The following CTNND2 variants were observed in gnomAD, a reference collection of about 807,000 sequenced individuals.
CTNND2 encodes catenin delta 2, also known as catenin delta-2.
In CTNND2, 22 loss-of-function variants were observed where a neutral mutation model predicts 144.4. The observed-to-expected ratio is 0.15, with a 90% CI of 0.11 to 0.22. The LOEUF (loss-of-function observed/expected upper bound fraction) is 0.22, where lower values mean the gene tolerates loss of function less well. Among genes scored for constraint, CTNND2 ranks in the 10% least tolerant of loss-of-function variants. The pLI, the probability that CTNND2 is intolerant of heterozygous loss-of-function variation, is 1.00. For missense variants in CTNND2, 1,353 were observed against 1,618.8 expected (o/e 0.84, Z 2.82); for synonymous variants, 751 against 695.6 (o/e 1.08, Z -1.25).
chr5:11,807,539 G>A (rs986189186), intron 1 of CTNND2, among the ~76,000 whole-genome samples: 4 of 152,130 alleles, frequency 2.6e-5, no homozygotes, highest in Admixed American at 6.6e-5. Context: ...AAAGGAACAG[G>A]TGTATTTAAC....
chr5:11,678,435 A>G (rs2126620238), intron 2 of CTNND2, among the ~76,000 whole-genome samples: 1 of 152,316 alleles, frequency 6.6e-6, no homozygotes, highest in African/African-American at 2.4e-5. Context: ...CCAACCAGCA[A>G]TCCATCACCT....
At chr5:11,167,253 T>C (rs376273911) in intron 11 of CTNND2, among the ~76,000 whole-genome samples, 10 of 152,340 alleles carry the variant, frequency 6.6e-5, no homozygotes, top group Admixed American at 1.3e-4. Flanking sequence ...AAACTCTCAT[T>C]CTACAGTTGC....
chr5:11,694,350 G>T (rs1404707361), intron 2 of CTNND2, among the ~76,000 whole-genome samples: 1 of 151,808 alleles, frequency 6.6e-6, no homozygotes, highest in Non-Finnish European at 1.5e-5. Context: ...CAGGAGAATG[G>T]CGTGAACCCG....
chr5:11,869,231 T>A (rs936160436), intron 1 of CTNND2, among the ~76,000 whole-genome samples: 1 of 152,168 alleles, frequency 6.6e-6, no homozygotes, highest in African/African-American at 2.4e-5. Flanking sequence ...CTTAGGTATA[T>A]ACCCAAAAGA....
intron 1 of CTNND2, among the ~76,000 whole-genome samples, chr5:11,792,589 G>C (rs1032286894): frequency 1.4e-4 from 21 of 152,150 alleles, no homozygotes; most frequent in Non-Finnish European, 2.8e-4. Flanking sequence ...AGTACAGCAG[G>C]GGTCTAAGAG....
chr5:11,315,592 C>A (rs1449353369), intron 9 of CTNND2, among the ~76,000 whole-genome samples: 1 of 152,076 alleles, frequency 6.6e-6, no homozygotes, highest in Non-Finnish European at 1.5e-5. Flanking sequence ...ACTGAGGGAT[C>A]AATTTGGTTT....
At chr5:10,982,725 T>C (rs1371563872) in intron 20 of CTNND2, among the ~76,000 whole-genome samples, 1 of 152,196 alleles carries the variant, frequency 6.6e-6, no homozygotes, top group Admixed American at 6.5e-5. Context: ...CTGTTGACAA[T>C]AGCCTAGATG....
intron 1 of CTNND2, among the ~76,000 whole-genome samples, chr5:11,747,449 T>C (rs1685386562): frequency 6.6e-6 from 1 of 152,168 alleles, no homozygotes; most frequent in African/African-American, 2.4e-5. Flanking sequence ...AATACAGTGT[T>C]CACCACACAC....
chr5:11,620,970 A>T (rs1305840209), intron 2 of CTNND2, among the ~76,000 whole-genome samples: 1 of 151,928 alleles, frequency 6.6e-6, no homozygotes, highest in African/African-American at 2.4e-5. Context: ...GGTCTGCTTG[A>T]CCCTGTCTGT....
intron 3 of CTNND2, among the ~76,000 whole-genome samples, chr5:11,456,764 G>C (rs954136025): frequency 2.0e-5 from 3 of 152,050 alleles, no homozygotes; most frequent in Non-Finnish European, 2.9e-5. Context: ...TTTTTCCATT[G>C]AATGCTGCTA....
chr5:11,597,107 G>C (rs1779544737), intron 2 of CTNND2, among the ~76,000 whole-genome samples: 1 of 152,184 alleles, frequency 6.6e-6, no homozygotes, highest in Non-Finnish European at 1.5e-5. Flanking sequence ...AAACCGATGT[G>C]AATCACAACA....
At chr5:11,831,799 C>T (rs1336705844) in intron 1 of CTNND2, among the ~76,000 whole-genome samples, 1 of 151,914 alleles carries the variant, frequency 6.6e-6, no homozygotes, top group Non-Finnish European at 1.5e-5. Flanking sequence ...AACAACTGGA[C>T]ATATTTTTGT....
At chr5:11,460,823 G>A (rs1196923355) in intron 3 of CTNND2, among the ~76,000 whole-genome samples, 1 of 152,086 alleles carries the variant, frequency 6.6e-6, no homozygotes, top group Non-Finnish European at 1.5e-5. Flanking sequence ...AGGCTGAGGT[G>A]GGCGGATCAT....
chr5:11,284,078 T>TG (rs1009721026), intron 9 of CTNND2, among the ~76,000 whole-genome samples: 2 of 152,128 alleles, frequency 1.3e-5, no homozygotes, highest in African/African-American at 4.8e-5. Context: ...CTGCCTGGTG[T>TG]GGGCTTCACG....
intron 1 of CTNND2, among the ~76,000 whole-genome samples, chr5:11,834,267 T>C (rs1794056554): frequency 6.6e-6 from 1 of 152,200 alleles, no homozygotes; most frequent in Non-Finnish European, 1.5e-5. Flanking sequence ...AGTAACATCA[T>C]AGCACCTTAC....
chr5:11,288,812 AAG>A (rs1748010924), intron 9 of CTNND2, among the ~76,000 whole-genome samples: 1 of 151,640 alleles, frequency 6.6e-6, no homozygotes, highest in South Asian at 2.1e-4. Context: ...GAGAAAAAAA[AAG>A]AAAACCAAAA....
intron 3 of CTNND2, among the ~76,000 whole-genome samples, chr5:11,441,510 CT>C (rs1197489747): frequency 6.6e-6 from 1 of 150,940 alleles, no homozygotes; most frequent in Non-Finnish European, 1.5e-5. Context: ...TCCTGAGTAG[CT>C]GGGATTACAG....
intron 10 of CTNND2, among the ~76,000 whole-genome samples, chr5:11,221,452 T>C (rs2149866443): frequency 6.6e-6 from 1 of 152,252 alleles, no homozygotes; most frequent in East Asian, 1.9e-4. Flanking sequence ...AACAATAAAC[T>C]TGGAAGATAA....
chr5:11,343,083 T>C, intron 9 of CTNND2, among the ~76,000 whole-genome samples: 1 of 152,204 alleles, frequency 6.6e-6, no homozygotes, highest in Non-Finnish European at 1.5e-5. Context: ...GGGTTTTCTG[T>C]TGGCATATAG....
Sources: allele counts gnomAD v4.1 joint callset (sites outside exome capture counted in the v4.1 genomes callset), GRCh38; gene constraint gnomAD v4.1.1; transcripts MANE v1.5; gene names NCBI Gene and HGNC (gene_info 2026-07-23, HGNC 2026-07-21).